The following PHLPP1 variants were observed in gnomAD, a reference collection of about 807,000 sequenced individuals.
PHLPP1 encodes PH domain leucine-rich repeat-containing protein phosphatase 1.
In PHLPP1, 42 loss-of-function variants were observed where a neutral mutation model predicts 117.2. That is an observed-to-expected ratio of 0.36 (90% CI 0.28 to 0.46). PHLPP1 has a LOEUF of 0.46. PHLPP1 is among the 20% of genes least tolerant of loss of function. The pLI is 1.00. For missense variants in PHLPP1, 2,084 were observed against 2,241.9 expected (o/e 0.93, Z 1.42); for synonymous variants, 1,042 against 970.7 (o/e 1.07, Z -1.37).
Position 62,771,277 on chromosome 18 carries a change from G to C in PHLPP1, c.1576+54018G>C, listed in dbSNP as rs111473420. ...TCAGCCATCCATGTGGATCATCTGA[G>C]GTGGTTTGGCATCACCATTGTTCCT... is the stretch of plus-strand genomic sequence containing the variant. On this transcript the variant is annotated intron_variant, in intron 1 of 16. Coordinates refer to ENST00000262719, the MANE Select transcript of PHLPP1 (RefSeq NM_194449.4). Among the ~76,000 whole-genome samples, 571 of 151,846 alleles carry C rather than the reference G, an allele frequency of 3.8e-3. 3 individuals are homozygous for C. The highest frequency in any genetic ancestry group is 0.01 in the Middle Eastern group (3 of 286).
At chr18:62,752,258 C>T (rs1281341047) in intron 1 of PHLPP1, among the ~76,000 whole-genome samples, 2 of 152,134 alleles carry the variant, frequency 1.3e-5, no homozygotes. Context: ...CCCGCGCCCC[C>T]ACCCAGTAAA....
rs1232168957 is a variant in PHLPP1 at position 62,895,876 on chromosome 18, A to G, written c.2309A>G (p.Asn770Ser). 1.9e-6 allele frequency: 3 copies of G among 1,613,210 alleles called. No individual in the cohort carries two copies. The highest frequency in any genetic ancestry group is 2.2e-5 in the East Asian group (1 of 44,892). ...KQLSYLGLSF[N>S]EFTDIPEVLE... Reference sequence around the variant, plus strand: ...CTTAGTTATCTGGGTCTTTCTTTCAATGAATTTACTGACATTCCCGAAGTA... The same window carrying G: ...CTTAGTTATCTGGGTCTTTCTTTCAGTGAATTTACTGACATTCCCGAAGTA... The change falls in exon 6 of 17, where the codon AAT (asparagine) becomes AGT (serine). Residue 770 changes from asparagine to serine, a missense_variant. Asn to Ser is a conservative substitution (Grantham distance 46). Transcript: ENST00000262719.
At chr18:62,881,230 A>G (rs1384235951) in intron 4 of PHLPP1, among the ~76,000 whole-genome samples, 1 of 152,148 alleles carries the variant, frequency 6.6e-6, no homozygotes, top group Admixed American at 6.5e-5. Context: ...GGTGACAGTG[A>G]TACCTCATCA....
At chr18:62,866,149 A>G (rs1217647507) in intron 4 of PHLPP1, among the ~76,000 whole-genome samples, 8 of 152,120 alleles carry the variant, frequency 5.3e-5, no homozygotes, top group African/African-American at 9.7e-5. Context: ...GGGGATGGGG[A>G]TTAGTGAATG....
intron 1 of PHLPP1, among the ~76,000 whole-genome samples, chr18:62,726,746 G>T (rs1386344583): frequency 6.6e-6 from 1 of 151,148 alleles, no homozygotes; most frequent in Non-Finnish European, 1.5e-5. Context: ...ACCACGCTCA[G>T]CTAACTTTTG....
intron 1 of PHLPP1, among the ~76,000 whole-genome samples, chr18:62,723,263 G>A (rs1910976425): frequency 6.6e-6 from 1 of 152,122 alleles, no homozygotes; most frequent in African/African-American, 2.4e-5. Context: ...AAAAACACAA[G>A]CAAAAAACAT....
intron 1 of PHLPP1, among the ~76,000 whole-genome samples, chr18:62,801,751 C>T (rs755089018): frequency 6.6e-6 from 1 of 152,178 alleles, no homozygotes; most frequent in Non-Finnish European, 1.5e-5. Context: ...TGTGCCTGGC[C>T]TCTGTTTGTT....
intron 3 of PHLPP1, among the ~76,000 whole-genome samples, chr18:62,850,566 G>T (rs1915319172): frequency 6.6e-6 from 1 of 152,118 alleles, no homozygotes; most frequent in Non-Finnish European, 1.5e-5. Flanking sequence ...ACATTCTCAG[G>T]TAGTAACATT....
intron 1 of PHLPP1, among the ~76,000 whole-genome samples, chr18:62,733,757 C>T (rs931561185): frequency 6.6e-6 from 1 of 152,106 alleles, no homozygotes; most frequent in Non-Finnish European, 1.5e-5. Context: ...GGAGAGAGAG[C>T]CTCCAAACTC....
chr18:62,761,398 C>T (rs941653992), intron 1 of PHLPP1, among the ~76,000 whole-genome samples: 8 of 151,646 alleles, frequency 5.3e-5, no homozygotes, highest in African/African-American at 9.7e-5. Context: ...TTTGGGAGGC[C>T]GAGGCGGGCA....
chr18:62,848,391 A>T (rs1915234515), intron 3 of PHLPP1, among the ~76,000 whole-genome samples: 2 of 151,124 alleles, frequency 1.3e-5, no homozygotes, highest in African/African-American at 4.9e-5. Context: ...ACTGTTGAAG[A>T]TACTTTGTAG....
At chr18:62,748,648 C>T (rs1911750874) in intron 1 of PHLPP1, among the ~76,000 whole-genome samples, 1 of 152,088 alleles carries the variant, frequency 6.6e-6, no homozygotes, top group South Asian at 2.1e-4. Flanking sequence ...GGCTATTTTG[C>T]TTGATATTAA....
At chr18:62,950,089 G>A (rs997618935) in intron 12 of PHLPP1, among the ~76,000 whole-genome samples, 3 of 152,202 alleles carry the variant, frequency 2.0e-5, no homozygotes, top group African/African-American at 7.2e-5. Flanking sequence ...TGCGGTGAAT[G>A]AAGTTTGTAA....
At chr18:62,888,729 C>A (rs549037013) in intron 4 of PHLPP1, among the ~76,000 whole-genome samples, 1 of 152,266 alleles carries the variant, frequency 6.6e-6, no homozygotes, top group East Asian at 1.9e-4. Context: ...ATAAAAATAT[C>A]TGGCTTACCT....
chr18:62,801,923 T>C (rs891892544), intron 1 of PHLPP1, among the ~76,000 whole-genome samples: 7 of 152,178 alleles, frequency 4.6e-5, no homozygotes, highest in African/African-American at 1.7e-4. Flanking sequence ...TCACTCCTAG[T>C]CTCTAGGAAC....
At chr18:62,729,640 G>C (rs1261411913) in intron 1 of PHLPP1, among the ~76,000 whole-genome samples, 4 of 151,942 alleles carry the variant, frequency 2.6e-5, no homozygotes, top group Middle Eastern at 3.4e-3. Flanking sequence ...ATGCCACTGC[G>C]CTCCAGCCTG....
At chr18:62,944,034 A>C (rs1001133684) in intron 11 of PHLPP1, among the ~76,000 whole-genome samples, 3 of 152,162 alleles carry the variant, frequency 2.0e-5, no homozygotes, top group Admixed American at 1.3e-4. Context: ...GATAATCTTT[A>C]TATTTGAAAG....
At chr18:62,784,710 G>C (rs1202741418) in intron 1 of PHLPP1, among the ~76,000 whole-genome samples, 1 of 152,200 alleles carries the variant, frequency 6.6e-6, no homozygotes, top group African/African-American at 2.4e-5. Flanking sequence ...AGTCCTAATT[G>C]AACTTTTTGA....
chr18:62,931,139 G>T (rs1297130320), intron 10 of PHLPP1, among the ~76,000 whole-genome samples: 2 of 151,714 alleles, frequency 1.3e-5, no homozygotes, highest in African/African-American at 4.8e-5. Context: ...AGAGGTTGCA[G>T]TGAGCCAAGA....
Sources: gnomAD v4.1 joint callset for allele counts (sites outside exome capture counted in the v4.1 genomes callset) on GRCh38, gnomAD v4.1.1 for gene constraint, MANE v1.5 for transcripts, NCBI Gene and HGNC (gene_info 2026-07-23, HGNC 2026-07-21) for gene names.